FSTL5: variants seen among roughly 807,000 people sequenced by gnomAD.
FSTL5 encodes follistatin-related protein 5.
Under a neutral mutation model 89.1 loss-of-function variants are expected in FSTL5, and 62 were observed. The observed-to-expected ratio is 0.70, with a 90% CI of 0.57 to 0.86. The LOEUF is 0.86. Ranked by LOEUF, FSTL5 falls within the 40% of genes least tolerant of loss-of-function variation. The probability of loss-of-function intolerance (pLI) is 0.00; values close to 1 mark genes in which losing one functional copy is unlikely to be tolerated. For missense variants in FSTL5, 1,057 were observed against 1,001.6 expected (o/e 1.06, Z -0.75); for synonymous variants, 383 against 346.2 (o/e 1.11, Z -1.18).
At chr4:161,712,861 T>C (rs1471895724) in intron 6 of FSTL5, among the ~76,000 whole-genome samples, 2 of 151,974 alleles carry the variant, frequency 1.3e-5, no homozygotes, top group Non-Finnish European at 2.9e-5. Flanking sequence ...GTTCCCTTTC[T>C]CGCATGTGAT....
At chr4:162,027,757 C>T (rs1173777266) in intron 3 of FSTL5, among the ~76,000 whole-genome samples, 1 of 151,070 alleles carries the variant, frequency 6.6e-6, no homozygotes, top group African/African-American at 2.4e-5. Context: ...GTTTTAGATT[C>T]TCTTATTGGT....
chr4:161,924,531 C>T (rs555786746), intron 3 of FSTL5, among the ~76,000 whole-genome samples: 4 of 151,724 alleles, frequency 2.6e-5, no homozygotes, highest in African/African-American at 9.6e-5. Context: ...ATCATTGACA[C>T]TTGACTCTTC....
At chr4:161,558,061 T>C (rs1258507663) in intron 8 of FSTL5, among the ~76,000 whole-genome samples, 1 of 151,882 alleles carries the variant, frequency 6.6e-6, no homozygotes, top group Non-Finnish European at 1.5e-5. Context: ...CAATAAGAGC[T>C]ATGAACTGTG....
At chr4:161,695,031 A>T (rs1738090045) in intron 6 of FSTL5, among the ~76,000 whole-genome samples, 1 of 151,792 alleles carries the variant, frequency 6.6e-6, no homozygotes, top group South Asian at 2.1e-4. Flanking sequence ...AAATTTAATC[A>T]TCTGTTTTTA....
intron 1 of FSTL5, among the ~76,000 whole-genome samples, chr4:162,151,456 C>T (rs952197708): frequency 1.3e-5 from 2 of 152,054 alleles, no homozygotes; most frequent in Admixed American, 1.3e-4. Context: ...TGAAATAGAA[C>T]AAAAAATGAT....
intron 2 of FSTL5, among the ~76,000 whole-genome samples, chr4:162,084,798 A>G (rs12108414): frequency 0.038 from 5,830 of 152,120 alleles, 162 homozygotes; most frequent in South Asian, 0.096. Flanking sequence ...GGGGAGGGAT[A>G]GCATTAGGAG....
chr4:162,103,007 G>A (rs971694180), intron 2 of FSTL5, among the ~76,000 whole-genome samples: 2 of 151,762 alleles, frequency 1.3e-5, no homozygotes, highest in Admixed American at 1.3e-4. Context: ...TTTAATGTAG[G>A]GTCACAAAGG....
intron 2 of FSTL5, among the ~76,000 whole-genome samples, chr4:162,044,314 C>T (rs1457219297): frequency 6.6e-6 from 1 of 152,088 alleles, no homozygotes; most frequent in African/African-American, 2.4e-5. Flanking sequence ...AAGGGATGAC[C>T]AGGTACATTG....
At chr4:161,449,970 C>T (rs1279398831) in intron 15 of FSTL5, among the ~76,000 whole-genome samples, 1 of 152,132 alleles carries the variant, frequency 6.6e-6, no homozygotes, top group African/African-American at 2.4e-5. Flanking sequence ...GTAGATTACA[C>T]TTTGTGGCCT....
At chr4:161,784,325 A>T (rs1741801652) in intron 4 of FSTL5, among the ~76,000 whole-genome samples, 1 of 152,096 alleles carries the variant, frequency 6.6e-6, no homozygotes, top group African/African-American at 2.4e-5. Flanking sequence ...TTTGATTTGT[A>T]ATTCTGTGAA....
At chr4:161,735,421 T>C (rs1560816670) in intron 6 of FSTL5, among the ~76,000 whole-genome samples, 1 of 152,156 alleles carries the variant, frequency 6.6e-6, no homozygotes, top group Non-Finnish European at 1.5e-5. Flanking sequence ...ACTTGAGATT[T>C]AGCCCCTCTT....
chr4:162,026,214 A>G (rs1366549302), intron 3 of FSTL5, among the ~76,000 whole-genome samples: 2 of 151,888 alleles, frequency 1.3e-5, no homozygotes, highest in African/African-American at 4.8e-5. Context: ...AGCTAAAGAA[A>G]TGAAGCCATC....
chr4:162,088,032 A>G (rs550435959), intron 2 of FSTL5, among the ~76,000 whole-genome samples: 1 of 152,280 alleles, frequency 6.6e-6, no homozygotes, highest in South Asian at 2.1e-4. Flanking sequence ...TTAGTTTTTA[A>G]AAAGCCTTCA....
At chr4:161,655,661 T>C (rs534678054) in intron 7 of FSTL5, among the ~76,000 whole-genome samples, 39 of 152,300 alleles carry the variant, frequency 2.6e-4, no homozygotes, top group African/African-American at 7.7e-4. Flanking sequence ...TCTATCCTGA[T>C]CCTATCCTTA....
intron 6 of FSTL5, among the ~76,000 whole-genome samples, chr4:161,726,227 C>CTTTTTTTTTTTTTTTT (rs5863477): frequency 1.8e-4 from 20 of 113,678 alleles, no homozygotes; most frequent in South Asian, 2.8e-4. Context: ...TTTTCTTTTT[C>CTTTTTTTTTTTTTTTT]TTTTTTTTTT....
chr4:162,130,185 A>T (rs1732240609), intron 1 of FSTL5, among the ~76,000 whole-genome samples: 1 of 151,816 alleles, frequency 6.6e-6, no homozygotes, highest in Admixed American at 6.6e-5. Context: ...AAGTGGAAAA[A>T]CTCTCTTTTT....
At chr4:161,658,505 T>C (rs1019688657) in intron 6 of FSTL5, among the ~76,000 whole-genome samples, 2 of 151,902 alleles carry the variant, frequency 1.3e-5, no homozygotes, top group Non-Finnish European at 2.9e-5. Flanking sequence ...TAGATTAATA[T>C]ATATTCTGTC....
intron 15 of FSTL5, among the ~76,000 whole-genome samples, chr4:161,419,635 T>C (rs1199717960): frequency 1.3e-5 from 2 of 152,128 alleles, no homozygotes; most frequent in Non-Finnish European, 2.9e-5. Context: ...AAAATTAGAT[T>C]CTATCACATC....
chr4:161,541,233 T>C (rs768322533), intron 9 of FSTL5, among the ~76,000 whole-genome samples: 14 of 152,236 alleles, frequency 9.2e-5, no homozygotes, highest in Admixed American at 3.3e-4. Context: ...CTTCAACTGT[T>C]TTTCCCTGTT....
Sources: allele counts gnomAD v4.1 joint callset (sites outside exome capture counted in the v4.1 genomes callset), GRCh38; gene constraint gnomAD v4.1.1; transcripts MANE v1.5; gene names NCBI Gene and HGNC (gene_info 2026-07-23, HGNC 2026-07-21).